ARID5A: variants seen among roughly 807,000 people sequenced by gnomAD.
ARID5A encodes the protein AT-rich interaction domain 5A.
Under a neutral mutation model 30.5 loss-of-function variants are expected in ARID5A, and 14 were observed. That is an observed-to-expected ratio of 0.46 (90% CI 0.30 to 0.72). The LOEUF is 0.72. Ranked by LOEUF, ARID5A falls within the 30% of genes least tolerant of loss-of-function variation. The pLI is 0.07. For missense variants in ARID5A, 669 were observed against 786.2 expected, an observed-to-expected ratio of 0.85 and a Z score of 1.78; for synonymous variants, 338 against 340.4, an observed-to-expected ratio of 0.99 and a Z score of 0.08.
At chr2:96,540,964 C>T (rs1014334084) in intron 1 of ARID5A, among the ~76,000 whole-genome samples, 4 of 152,046 alleles carry the variant, frequency 2.6e-5, no homozygotes, top group African/African-American at 7.2e-5. Flanking sequence ...AGGCTGGTCT[C>T]GAGCTCCTTA....
At chr2:96,543,861 C>G (rs2065884148) in intron 1 of ARID5A, among the ~76,000 whole-genome samples, 2 of 152,162 alleles carry the variant, frequency 1.3e-5, no homozygotes, top group Non-Finnish European at 2.9e-5. Context: ...CCCAGATAGG[C>G]CGAAAGCTAG....
chr2:96,548,719 G>GC (rs2104698011), intron 2 of ARID5A, among the ~76,000 whole-genome samples: 1 of 152,338 alleles, frequency 6.6e-6, no homozygotes, highest in East Asian at 1.9e-4. Flanking sequence ...AGCAGAGATT[G>GC]CCCCTCTGGG....
intron 1 of ARID5A, among the ~76,000 whole-genome samples, chr2:96,541,100 C>T (rs1295274956): frequency 7.3e-5 from 10 of 137,404 alleles, no homozygotes; most frequent in East Asian, 2.2e-4. Context: ...TGCAGTGGCG[C>T]GAGCTCAGCT....
At chr2:96,547,324 C>CTCCT in intron 1 of ARID5A, 78 bp from the exon 2 acceptor site, 1 of 1,236,876 alleles carries the variant, frequency 8.1e-7, no homozygotes, top group Non-Finnish European at 1.1e-6. Context: ...AGGGAGAGTG[C>CTCCT]TCCTGTTCCT....
rs1253690256 is a variant in ARID5A, at chr2:96,539,585, A to G, written c.4+2755A>G. On this transcript the variant is annotated intron_variant, in intron 1 of 6. Transcript: ENST00000357485. The surrounding 1 kb of genome is among the most constrained non-coding windows in gnomAD (Gnocchi z 4.7). ...TTTTTTAAATGGAATCTCAGTAGGT[A>G]TCAACAGGTCTTTCCTCCTTCCTCA... Among the ~76,000 whole-genome samples the G allele has an allele frequency of 2.0e-5, 3 of 152,202 alleles. No individual in the cohort carries two copies. Among genetic ancestry groups the G allele is most frequent in the Admixed American group, 6.5e-5 (1 of 15,288 alleles).
At chr2:96,540,725 C>A (rs554028856) in intron 1 of ARID5A, among the ~76,000 whole-genome samples, 3 of 152,302 alleles carry the variant, frequency 2.0e-5, no homozygotes, top group South Asian at 2.1e-4. Context: ...GCAATCAAAG[C>A]CCCAGTAGTG....
At position 96,537,716 on chromosome 2, in the gene ARID5A, C is replaced by G. The variant is rs1214048871; in HGVS notation, c.4+886C>G. The G allele has an allele frequency of 2.8e-5, 9 of 317,212 alleles. No homozygotes were observed. Among genetic ancestry groups the G allele is most frequent in the Non-Finnish European group, 2.7e-5 (6 of 219,278 alleles). The allele number at this position is 317,212 out of a possible 1,614,324, so 19.6% of individuals were successfully genotyped here. On this transcript the variant is annotated intron_variant, in intron 1 of 6. Transcript: ENST00000357485. The surrounding 1 kb of genome is among the most constrained non-coding windows in gnomAD (Gnocchi z 4.8). ...CGCTCGGCGGGAGCTGCGGGCCAAC[C>G]CGGGCCCGCGCTCCGTCCCTCCGCG...
At chr2:96,543,845 C>T (rs1054867207) in intron 1 of ARID5A, among the ~76,000 whole-genome samples, 1 of 152,166 alleles carries the variant, frequency 6.6e-6, no homozygotes, top group South Asian at 2.1e-4. Flanking sequence ...GAAGGCAGGT[C>T]GAAAGCCCAG....
chr2:96,536,888 A>C, intron 1 of ARID5A, 58 bp downstream of exon 1: 7 of 1,223,636 alleles, frequency 5.7e-6, no homozygotes, highest in Non-Finnish European at 7.1e-6. Flanking sequence ...AGGGAGGTTC[A>C]AGGTGCCGGC....
chr2:96,550,533 G>T lies in ARID5A; in HGVS notation c.411-41G>T. The T allele has an allele frequency of 6.4e-7, 1 of 1,551,004 alleles. No individual in the cohort carries two copies. The highest frequency in any genetic ancestry group is 1.4e-5 in the African/African-American group (1 of 73,516). ...GGCTACAGAGGCCCAGGGAGGGGATGGGCGCCGGCCTCCTGGGGGACATGC... is the reference window on the plus strand; with the variant it reads ...GGCTACAGAGGCCCAGGGAGGGGATTGGCGCCGGCCTCCTGGGGGACATGC... On this transcript the variant is annotated intron_variant, in intron 5 of 6. Coordinates refer to ENST00000357485, the MANE Select transcript of ARID5A (RefSeq NM_212481.3). This position sits in a 1 kb window ranked among gnomAD's most constrained non-coding sequence, Gnocchi z 6.6.
Position 96,550,178 on chromosome 2 carries a change from G to T in ARID5A, c.313-10G>T, listed in dbSNP as rs920919779. The T allele has an allele frequency of 3.3e-6, 5 of 1,534,050 alleles. No homozygotes were observed. Among genetic ancestry groups the T allele is most frequent in the Admixed American group, 4.0e-5 (2 of 50,046 alleles). ...CCCGCCGGCCGCGCCCTCACGAGGT[G>T]CCCTTGCAGGTGACCGGGCGCCGCC... On this transcript the variant is annotated splice_polypyrimidine_tract_variant and intron_variant, in intron 4 of 6. Coordinates refer to ENST00000357485, the MANE Select transcript of ARID5A (RefSeq NM_212481.3). This position sits in a 1 kb window ranked among gnomAD's most constrained non-coding sequence, Gnocchi z 6.6.
chr2:96,546,359 AGCCTGCTGTGTG>A (rs1486694250), intron 1 of ARID5A, among the ~76,000 whole-genome samples: 2 of 152,264 alleles, frequency 1.3e-5, no homozygotes, highest in African/African-American at 4.8e-5. Context: ...ATCTGCTGCC[AGCCTGCTGTGTG>A]GCCTCAGGCA....
Position 96,550,895 on chromosome 2 carries a change from G to T in ARID5A, c.570+162G>T, listed in dbSNP as rs982228567. On this transcript the variant is annotated intron_variant, in intron 6 of 6. Coordinates refer to ENST00000357485, the MANE Select transcript of ARID5A (RefSeq NM_212481.3). The surrounding 1 kb of genome is among the most constrained non-coding windows in gnomAD (Gnocchi z 6.6). ...GTTCTCCACAGATGGTTGTGCAAGT[G>T]GACTCTGAACTCCAGCCTGCGCCCA... Among the ~76,000 whole-genome samples the T allele has an allele frequency of 8.5e-5, 13 of 152,168 alleles. No individual in the cohort carries two copies. Among genetic ancestry groups the T allele is most frequent in the African/African-American group, 3.1e-4 (13 of 41,438 alleles).
chr2:96,538,382 C>A, intron 1 of ARID5A: 2 of 960,470 alleles, frequency 2.1e-6, no homozygotes, highest in Non-Finnish European at 2.5e-6. Flanking sequence ...GTGTCCCCCG[C>A]ACCTCCTTCC....
Position 96,550,125 on chromosome 2 carries a change from G to A in ARID5A, c.313-63G>A. On this transcript the variant is annotated intron_variant, in intron 4 of 6. Transcript: ENST00000357485. This position sits in a 1 kb window ranked among gnomAD's most constrained non-coding sequence, Gnocchi z 6.6. Reference sequence around the variant, plus strand: ...TCGAGTCCCTGCGAGGGCGGCCGGAGCTGCAAGGACCCCGCCGCCAGGGGG... The same window carrying A: ...TCGAGTCCCTGCGAGGGCGGCCGGAACTGCAAGGACCCCGCCGCCAGGGGG... 6.5e-7 allele frequency: 1 copy of A among 1,532,028 alleles called. No homozygotes were observed. Among genetic ancestry groups the A allele is most frequent in the East Asian group, 2.5e-5 (1 of 40,620 alleles). 94.9% of individuals were successfully genotyped at this position (1,532,028 alleles called of 1,614,324 possible). A position where few individuals can be genotyped will look rare whatever the true frequency, so the allele number is the denominator to read the frequency against.
chr2:96,549,243 C>T lies in ARID5A; in HGVS notation c.121-78C>T, dbSNP rs1378737773. On this transcript the variant is annotated intron_variant, in intron 2 of 6. Coordinates refer to ENST00000357485, the MANE Select transcript of ARID5A (RefSeq NM_212481.3). This position sits in a 1 kb window ranked among gnomAD's most constrained non-coding sequence, Gnocchi z 6.1. ...TGGGGTAGGTACCTTATTCCTCCTG[C>T]AGCCAGTGGTTTCTGCACATCCCCA... 21 of 1,564,816 alleles carry T rather than the reference C, an allele frequency of 1.3e-5. No individual in the cohort carries two copies. Among genetic ancestry groups the T allele is most frequent in the Non-Finnish European group, 1.8e-5 (21 of 1,155,826 alleles).
At chr2:96,538,165 A>G (rs1250129836) in intron 1 of ARID5A, 14 of 985,312 alleles carry the variant, frequency 1.4e-5, no homozygotes, top group Non-Finnish European at 1.7e-5. Context: ...AGAGACGTCA[A>G]CTGGCACCTC....
At chr2:96,540,896 C>T (rs2104665728) in intron 1 of ARID5A, among the ~76,000 whole-genome samples, 2 of 151,942 alleles carry the variant, frequency 1.3e-5, no homozygotes, top group Non-Finnish European at 2.9e-5. Context: ...TTGGCGTGTG[C>T]CACCACGCCC....
Position 96,537,817 on chromosome 2 carries a change from G to T in ARID5A, c.4+987G>T, listed in dbSNP as rs1341807601. 43 of 972,766 alleles carry T rather than the reference G, an allele frequency of 4.4e-5. No homozygotes were observed. Among genetic ancestry groups the T allele is most frequent in the Non-Finnish European group, 5.1e-5 (42 of 818,496 alleles). 60.3% of individuals were successfully genotyped at this position (972,766 alleles called of 1,614,324 possible). On this transcript the variant is annotated intron_variant, in intron 1 of 6. Transcript: ENST00000357485. The surrounding 1 kb of genome is among the most constrained non-coding windows in gnomAD (Gnocchi z 4.8). ...GGCGTGGTGGGGCTTGCGCGGTGCAGGACCCCCGAGGGCCCAGGGGGTCCC... is the reference window on the plus strand; with the variant it reads ...GGCGTGGTGGGGCTTGCGCGGTGCATGACCCCCGAGGGCCCAGGGGGTCCC...
Sources: allele counts gnomAD v4.1 joint callset (sites outside exome capture counted in the v4.1 genomes callset), GRCh38; gene constraint gnomAD v4.1.1; non-coding constraint Gnocchi (gnomAD v3.1); transcripts MANE v1.5; gene names NCBI Gene and HGNC (gene_info 2026-07-23, HGNC 2026-07-21).